SLC25A17: variants seen among roughly 807,000 people sequenced by gnomAD.
SLC25A17 encodes the protein peroxisomal membrane protein PMP34.
A neutral mutation model predicts 38.5 loss-of-function variants in SLC25A17; 26 were observed. The observed-to-expected ratio is 0.68, with a 90% CI of 0.50 to 0.94. The LOEUF (loss-of-function observed/expected upper bound fraction) is 0.94. Ranked by LOEUF, SLC25A17 falls within the 40% of genes least tolerant of loss-of-function variation. The pLI is 0.00. For missense variants in SLC25A17, 333 were observed against 372.7 expected, an observed-to-expected ratio of 0.89 and a Z score of 0.88; for synonymous variants, 139 against 136.2, an observed-to-expected ratio of 1.02 and a Z score of -0.14.
chr22:40,810,616 G>A (rs1463436390), intron 1 of SLC25A17, among the ~76,000 whole-genome samples: 1 of 151,968 alleles, frequency 6.6e-6, no homozygotes, highest in Non-Finnish European at 1.5e-5. Flanking sequence ...CAGAGTGCTA[G>A]GATTACAGGC....
chr22:40,813,519 C>T (rs1187890446), intron 1 of SLC25A17, among the ~76,000 whole-genome samples: 2 of 151,916 alleles, frequency 1.3e-5, no homozygotes, highest in African/African-American at 4.8e-5. Context: ...GCCTGGGTGA[C>T]AGAGCGAGAC....
chr22:40,797,156 T>C lies in SLC25A17; in HGVS notation c.115+1867A>G, dbSNP rs1004727747. 10 of 459,964 alleles carry C rather than the reference T, an allele frequency of 2.2e-5. No individual in the cohort carries two copies. In the East Asian group the frequency reaches 4.9e-4, roughly 22 times the overall value. The allele number at this position is 459,964 out of a possible 1,614,324, so 28.5% of individuals were successfully genotyped here. A position where few individuals can be genotyped will look rare whatever the true frequency, so the allele number is the denominator to read the frequency against. On this transcript the variant is annotated intron_variant, in intron 2 of 8. Coordinates refer to ENST00000435456, the MANE Select transcript of SLC25A17 (RefSeq NM_006358.4). ...CTAAGAGTGAGCATTTTCACTGCAC[T>C]GTATACCTTTTTATATATTTTGCCT...
Position 40,770,087 on chromosome 22 carries a change from T to G in SLC25A17, c.*747A>C, listed in dbSNP as rs2057166760. On this transcript the variant is annotated 3_prime_UTR_variant, in exon 9 of 9. Coordinates refer to ENST00000435456, the MANE Select transcript of SLC25A17 (RefSeq NM_006358.4). ...GAGCAATTTTCAAGAATATCTTTTT[T>G]GTGCTGACCATTTATTGGGACTTGA... 1 of 152,230 alleles carries G rather than the reference T, an allele frequency of 6.6e-6. No homozygotes were observed. Among genetic ancestry groups the G allele is most frequent in the African/African-American group, 2.4e-5 (1 of 41,458 alleles). 9.4% of individuals were successfully genotyped at this position (152,230 alleles called of 1,614,324 possible).
chr22:40,794,506 G>A lies in SLC25A17; in HGVS notation c.182+8C>T, dbSNP rs997587578. On this transcript the variant is annotated splice_region_variant and intron_variant, in intron 3 of 8. Coordinates refer to ENST00000435456, the MANE Select transcript of SLC25A17 (RefSeq NM_006358.4). Reference sequence around the variant, plus strand: ...GCTTTAACGAAGGTGAACTGAGGTAGTACTCACAGTCCTTCTTCTTTAATG... The same window carrying A: ...GCTTTAACGAAGGTGAACTGAGGTAATACTCACAGTCCTTCTTCTTTAATG... 2 of 1,585,846 alleles carry A rather than the reference G, an allele frequency of 1.3e-6. No homozygotes were observed. The highest frequency in any genetic ancestry group is 1.3e-5 in the African/African-American group (1 of 74,172).
At chr22:40,788,050 T>A (rs2057353778) in intron 4 of SLC25A17, among the ~76,000 whole-genome samples, 1 of 152,184 alleles carries the variant, frequency 6.6e-6, no homozygotes, top group African/African-American at 2.4e-5. Context: ...GCCACTGCAC[T>A]TGGCCTTAAT....
intron 1 of SLC25A17, among the ~76,000 whole-genome samples, chr22:40,815,677 A>G (rs1161563078): frequency 6.6e-6 from 1 of 152,206 alleles, no homozygotes; most frequent in Non-Finnish European, 1.5e-5. Context: ...ATATAATCAC[A>G]TTTACTTCCC....
intron 1 of SLC25A17, among the ~76,000 whole-genome samples, chr22:40,813,008 G>T (rs1236905867): frequency 6.6e-6 from 1 of 152,180 alleles, no homozygotes; most frequent in Non-Finnish European, 1.5e-5. Flanking sequence ...CAGAGTTAAT[G>T]TAAGTCTTTT....
Position 40,769,912 on chromosome 22 carries a change from C to A in SLC25A17, c.*922G>T, listed in dbSNP as rs1457585858. The A allele has an allele frequency of 6.6e-6, 1 of 152,166 alleles. No homozygotes were observed. Among genetic ancestry groups the A allele is most frequent in the Non-Finnish European group, 1.5e-5 (1 of 68,036 alleles). 9.4% of individuals were successfully genotyped at this position (152,166 alleles called of 1,614,324 possible). A position where few individuals can be genotyped will look rare whatever the true frequency, so the allele number is the denominator to read the frequency against. Reference sequence around the variant, plus strand: ...TAAGGAAGGTTTCCAAATGAAATAACCTCAACCAGATGTTTATTTTCAAAA... The same window carrying A: ...TAAGGAAGGTTTCCAAATGAAATAAACTCAACCAGATGTTTATTTTCAAAA... On this transcript the variant is annotated 3_prime_UTR_variant, in exon 9 of 9. Coordinates refer to ENST00000435456, the MANE Select transcript of SLC25A17 (RefSeq NM_006358.4).
intron 4 of SLC25A17, among the ~76,000 whole-genome samples, chr22:40,786,716 C>T (rs574164231): frequency 2.0e-5 from 3 of 152,282 alleles, no homozygotes; most frequent in South Asian, 2.1e-4. Flanking sequence ...GTGGAACCCA[C>T]GGATGAGGGC....
Position 40,789,233 on chromosome 22 carries a change from G to T in SLC25A17, c.334+3292C>A. 1 of 187,262 alleles carries T rather than the reference G, an allele frequency of 5.3e-6. No individual in the cohort carries two copies. Among genetic ancestry groups the T allele is most frequent in the South Asian group, 1.0e-4 (1 of 10,030 alleles). The allele number at this position is 187,262 out of a possible 1,614,324, so 11.6% of individuals were successfully genotyped here. On this transcript the variant is annotated intron_variant, in intron 4 of 8. Transcript: ENST00000435456. This position sits in a 1 kb window ranked among gnomAD's most constrained non-coding sequence, Gnocchi z 4.5. ...TACCACTTGGTCCCGGCAGGAGTAT[G>T]ACAGATGCTTCGTAATGCAGTCTGC...
At position 40,789,802 on chromosome 22, in the gene SLC25A17, C is replaced by T. The variant is rs1047614814; in HGVS notation, c.334+2723G>A. 6.6e-6 allele frequency among the ~76,000 whole-genome samples: 1 copy of T among 151,534 alleles called. No homozygotes were observed. Among genetic ancestry groups the T allele is most frequent in the Non-Finnish European group, 1.5e-5 (1 of 67,912 alleles). ...GGATTACAGGCGTGAGCCACCGCGCCTGGTCTAAAATTTATTTTTTATAGA... is the reference window on the plus strand; with the variant it reads ...GGATTACAGGCGTGAGCCACCGCGCTTGGTCTAAAATTTATTTTTTATAGA... On this transcript the variant is annotated intron_variant, in intron 4 of 8. Coordinates refer to ENST00000435456, the MANE Select transcript of SLC25A17 (RefSeq NM_006358.4). This position sits in a 1 kb window ranked among gnomAD's most constrained non-coding sequence, Gnocchi z 4.5.
intron 2 of SLC25A17, among the ~76,000 whole-genome samples, chr22:40,795,859 C>T (rs1284353795): frequency 6.6e-6 from 1 of 152,092 alleles, no homozygotes; most frequent in Non-Finnish European, 1.5e-5. Context: ...GCGGTCTCGG[C>T]TCACTGCAAC....
chr22:40,784,568 T>C, intron 4 of SLC25A17: 1 of 270,084 alleles, frequency 3.7e-6, no homozygotes, highest in East Asian at 1.4e-4. Flanking sequence ...AGGCCAGGGG[T>C]TTGAAACCAG....
intron 1 of SLC25A17, among the ~76,000 whole-genome samples, chr22:40,809,666 A>G (rs1244882782): frequency 6.6e-6 from 1 of 151,884 alleles, no homozygotes; most frequent in African/African-American, 2.4e-5. Context: ...AAATATCTCA[A>G]TGATTTCTCA....
chr22:40,792,314 T>C (rs1328166960), intron 4 of SLC25A17, among the ~76,000 whole-genome samples: 1 of 152,110 alleles, frequency 6.6e-6, no homozygotes, highest in Non-Finnish European at 1.5e-5. Flanking sequence ...TTTCATAACA[T>C]TGTGAACATG....
intron 3 of SLC25A17, among the ~76,000 whole-genome samples, chr22:40,794,277 T>C (rs962399450): frequency 6.6e-6 from 1 of 152,172 alleles, no homozygotes; most frequent in African/African-American, 2.4e-5. Flanking sequence ...GAAGACTCCA[T>C]GATCAAGAAT....
chr22:40,812,997 T>C (rs1380334183), intron 1 of SLC25A17, among the ~76,000 whole-genome samples: 1 of 152,206 alleles, frequency 6.6e-6, no homozygotes, highest in Non-Finnish European at 1.5e-5. Context: ...ATTCACCTCA[T>C]CAGAGTTAAT....
chr22:40,806,336 A>G (rs2057529878), intron 1 of SLC25A17, among the ~76,000 whole-genome samples: 1 of 152,230 alleles, frequency 6.6e-6, no homozygotes, highest in Non-Finnish European at 1.5e-5. Context: ...TTAAATATTT[A>G]AAGTTGAAAT....
At chr22:40,803,197 G>A (rs926071909) in intron 1 of SLC25A17, among the ~76,000 whole-genome samples, 4 of 152,080 alleles carry the variant, frequency 2.6e-5, no homozygotes, top group African/African-American at 7.2e-5. Context: ...GGGTTCAGGC[G>A]ATCCTCCTGC....
Sources: allele counts gnomAD v4.1 joint callset (sites outside exome capture counted in the v4.1 genomes callset), GRCh38; gene constraint gnomAD v4.1.1; non-coding constraint Gnocchi (gnomAD v3.1); transcripts MANE v1.5; gene names NCBI Gene and HGNC (gene_info 2026-07-23, HGNC 2026-07-21).